Variants in RBFOX3 observed in about 807,000 individuals in gnomAD.
RBFOX3 encodes RNA binding protein fox-1 homolog 3.
In RBFOX3, 17 loss-of-function variants were observed where a neutral mutation model predicts 48.7. That is an observed-to-expected ratio of 0.35 (90% confidence interval 0.24 to 0.52). The LOEUF (loss-of-function observed/expected upper bound fraction) is 0.52. Among genes scored for constraint, RBFOX3 ranks in the 20% least tolerant of loss-of-function variants. RBFOX3 has a pLI of 0.94. For synonymous variants in RBFOX3, 212 were observed against 209.5 expected, an observed-to-expected ratio of 1.01 and a Z score of -0.10; for missense variants, 382 against 497.5, an observed-to-expected ratio of 0.77 and a Z score of 2.21.
intron 4 of RBFOX3, among the ~76,000 whole-genome samples, chr17:79,172,193 A>AAG (rs1158885290): frequency 6.6e-6 from 1 of 151,412 alleles, no homozygotes; most frequent in Non-Finnish European, 1.5e-5. Flanking sequence ...AAAAAAAAAA[A>AAG]AGAGAAAAAG....
chr17:79,453,355 G>A (rs1485429598), intron 2 of RBFOX3, among the ~76,000 whole-genome samples: 2 of 152,220 alleles, frequency 1.3e-5, no homozygotes, highest in African/African-American at 2.4e-5. Flanking sequence ...GGCCATAGAA[G>A]CTGGGGCGTC....
At chr17:79,654,550 C>A in the RBFOX3 span, among the ~76,000 whole-genome samples, 1 of 152,178 alleles carries the variant, frequency 6.6e-6, no homozygotes, top group East Asian at 1.9e-4. Flanking sequence ...CTGGAGAATT[C>A]AAATAGACAT....
chr17:79,610,021 G>A (rs2093935199), intron 1 of RBFOX3, among the ~76,000 whole-genome samples: 1 of 152,046 alleles, frequency 6.6e-6, no homozygotes, highest in Non-Finnish European at 1.5e-5. Context: ...AGGCTTCAGA[G>A]AGGCAGCCTC....
chr17:79,486,147 C>T (rs995265711), intron 1 of RBFOX3, among the ~76,000 whole-genome samples: 20 of 152,124 alleles, frequency 1.3e-4, no homozygotes, highest in African/African-American at 2.7e-4. Flanking sequence ...GTACCCTTGA[C>T]GGCTCTCTAG....
intron 1 of RBFOX3, among the ~76,000 whole-genome samples, chr17:79,504,989 T>C (rs1378297648): frequency 1.3e-5 from 2 of 152,176 alleles, no homozygotes; most frequent in African/African-American, 4.8e-5. Context: ...GGGGAGATTC[T>C]AGCATTGCCT....
intron 2 of RBFOX3, among the ~76,000 whole-genome samples, chr17:79,380,910 C>T (rs1049941763): frequency 6.6e-6 from 1 of 152,304 alleles, no homozygotes. Context: ...AGCTCTGTCC[C>T]GTGGAAATGC....
At chr17:79,186,430 G>A (rs543660176) in intron 4 of RBFOX3, among the ~76,000 whole-genome samples, 9 of 152,332 alleles carry the variant, frequency 5.9e-5, no homozygotes, top group Non-Finnish European at 1.0e-4. Context: ...GGACCCCACC[G>A]GCAGGAACCA....
At chr17:79,149,492 G>A (rs2043834294) in intron 4 of RBFOX3, among the ~76,000 whole-genome samples, 1 of 152,160 alleles carries the variant, frequency 6.6e-6, no homozygotes, top group Non-Finnish European at 1.5e-5. Flanking sequence ...CCTGGCCTCA[G>A]TGAGAAGGAC....
At chr17:79,609,188 CT>C (rs1235088351) in intron 1 of RBFOX3, among the ~76,000 whole-genome samples, 2 of 152,092 alleles carry the variant, frequency 1.3e-5, no homozygotes, top group Admixed American at 6.5e-5. Flanking sequence ...AATGTTTATA[CT>C]TTTTTTTTCC....
chr17:79,455,291 C>T (rs55771840), intron 2 of RBFOX3, among the ~76,000 whole-genome samples: 12,595 of 152,202 alleles, frequency 0.083, 741 homozygotes, highest in Non-Finnish European at 0.12. Flanking sequence ...GAGAGGCAGG[C>T]CCTGAGCAGT....
intron 4 of RBFOX3, among the ~76,000 whole-genome samples, chr17:79,182,124 T>A (rs2052131248): frequency 6.6e-6 from 1 of 151,956 alleles, no homozygotes; most frequent in Non-Finnish European, 1.5e-5. Flanking sequence ...CACCCTGTAC[T>A]CTCTCTCTCT....
intron 2 of RBFOX3, among the ~76,000 whole-genome samples, chr17:79,420,686 G>C (rs1040452923): frequency 6.6e-6 from 1 of 152,224 alleles, no homozygotes; most frequent in Admixed American, 6.5e-5. Flanking sequence ...GAAGAGCTCG[G>C]CCACCCGAGG....
In RBFOX3 at chr17:79,543,116, C is replaced by T. The variant is rs906338738; in HGVS notation, c.-319-60518G>A. On this transcript the variant is annotated intron_variant, in intron 1 of 14. Transcript: ENST00000693108. ...ATTTGGCCACATGTAACCCGGCATA[C>T]GGCAGCTGAACGGTAAAGGGGAATA... is the stretch of plus-strand genomic sequence containing the variant. Among the ~76,000 whole-genome samples, 49 of 152,188 alleles carry T rather than the reference C, an allele frequency of 3.2e-4. 1 individual carries two copies. Among genetic ancestry groups the T allele is most frequent in the African/African-American group, 1.1e-3 (47 of 41,532 alleles).
chr17:79,104,880 T>C (rs2077079581), intron 6 of RBFOX3, among the ~76,000 whole-genome samples: 1 of 135,710 alleles, frequency 7.4e-6, no homozygotes, highest in Non-Finnish European at 1.6e-5. Flanking sequence ...CCCGGGACCC[T>C]GCACAGCCTG....
chr17:79,656,464 A>G, the RBFOX3 span, among the ~76,000 whole-genome samples: 1 of 151,974 alleles, frequency 6.6e-6, no homozygotes, highest in Admixed American at 6.6e-5. Flanking sequence ...AAATACAAAA[A>G]TTAGCCGGAC....
intron 4 of RBFOX3, among the ~76,000 whole-genome samples, chr17:79,130,938 G>GC (rs1599576784): frequency 6.6e-6 from 1 of 152,266 alleles, no homozygotes; most frequent in African/African-American, 2.4e-5. Flanking sequence ...GCGGGAATCA[G>GC]CCCCGCACCT....
chr17:79,426,053 G>A (rs1555725357), intron 2 of RBFOX3, among the ~76,000 whole-genome samples: 2 of 152,120 alleles, frequency 1.3e-5, no homozygotes, highest in African/African-American at 4.8e-5. Context: ...GCCTGGAGCT[G>A]GGGAGGAGAG....
intron 3 of RBFOX3, among the ~76,000 whole-genome samples, chr17:79,248,698 C>T (rs1311555351): frequency 6.6e-6 from 1 of 152,224 alleles, no homozygotes; most frequent in Non-Finnish European, 1.5e-5. Flanking sequence ...ATTCTCACCC[C>T]ACAACCCTAT....
chr17:79,441,044 G>T (rs1467978718), intron 2 of RBFOX3, among the ~76,000 whole-genome samples: 1 of 152,250 alleles, frequency 6.6e-6, no homozygotes, highest in Non-Finnish European at 1.5e-5. Context: ...CACACCTGGG[G>T]GTGCAGGGAG....
Sources: allele counts gnomAD v4.1 joint callset (sites outside exome capture counted in the v4.1 genomes callset), GRCh38; gene constraint gnomAD v4.1.1; transcripts MANE v1.5; gene names NCBI Gene and HGNC (gene_info 2026-07-23, HGNC 2026-07-21).